The following SF3B6 variants were observed in gnomAD, a reference collection of about 807,000 sequenced individuals.
The protein encoded by SF3B6 is SF3b 14 kDa subunit.
SF3B6 carries 3 observed loss-of-function variants against 15.9 expected under a neutral mutation model. The ratio of observed to expected loss-of-function variants is 0.19; its 90% CI spans 0.09 to 0.49. The LOEUF is 0.49. Among genes scored for constraint, SF3B6 ranks in the 20% least tolerant of loss-of-function variants. SF3B6 has a pLI of 0.97. For synonymous variants in SF3B6, 49 were observed against 51.1 expected, an observed-to-expected ratio of 0.96 and a Z score of 0.18; for missense variants, 71 against 154.3, an observed-to-expected ratio of 0.46 and a Z score of 2.86.
chr2:24,076,116 G>T, intron 1 of SF3B6, 84 bp downstream of exon 1: 1 of 1,522,286 alleles, frequency 6.6e-7, no homozygotes, highest in African/African-American at 1.4e-5. Flanking sequence ...GGGGACGGAG[G>T]AGGAGCAAGA....
At chr2:24,073,021 G>C (rs1010168322) in intron 2 of SF3B6, among the ~76,000 whole-genome samples, 2 of 152,168 alleles carry the variant, frequency 1.3e-5, no homozygotes, top group African/African-American at 4.8e-5. Flanking sequence ...AAAGGACTGA[G>C]ACCTCCTAAA....
intron 2 of SF3B6, among the ~76,000 whole-genome samples, chr2:24,071,408 C>T (rs890988884): frequency 6.6e-6 from 1 of 151,938 alleles, no homozygotes; most frequent in Non-Finnish European, 1.5e-5. Context: ...AGTTCAAGAC[C>T]AGCCTGGCCA....
chr2:24,073,826 T>G, intron 2 of SF3B6: 1 of 321,678 alleles, frequency 3.1e-6, no homozygotes, highest in Non-Finnish European at 5.6e-6. Flanking sequence ...CATTCATTAC[T>G]ACTTCAATGA....
intron 2 of SF3B6, among the ~76,000 whole-genome samples, chr2:24,071,232 C>G (rs946828066): frequency 6.6e-6 from 1 of 152,140 alleles, no homozygotes; most frequent in Non-Finnish European, 1.5e-5. Flanking sequence ...ACCTTGTGAT[C>G]TGCCCACTTC....
intron 2 of SF3B6, among the ~76,000 whole-genome samples, chr2:24,069,696 C>A (rs1216805064): frequency 6.6e-6 from 1 of 152,142 alleles, no homozygotes; most frequent in East Asian, 1.9e-4. Context: ...GGGCCCTGTT[C>A]AAGCTTGTGC....
intron 3 of SF3B6, 114 bp from the exon 4 acceptor site, chr2:24,067,965 T>G: frequency 1.2e-6 from 1 of 850,796 alleles, no homozygotes; most frequent in Non-Finnish European, 1.9e-6. Flanking sequence ...CACAGTACAG[T>G]TCTACACTAA....
At chr2:24,073,516 T>C (rs1173191441) in intron 2 of SF3B6, 3 of 152,294 alleles carry the variant, frequency 2.0e-5, no homozygotes, top group Non-Finnish European at 4.4e-5. Context: ...CTTGAAGGTA[T>C]GAACCCCAAT....
At chr2:24,075,147 TCATC>T (rs1385255192) in intron 1 of SF3B6, among the ~76,000 whole-genome samples, 1 of 151,900 alleles carries the variant, frequency 6.6e-6, no homozygotes, top group East Asian at 1.9e-4. Context: ...AAGTCAACTA[TCATC>T]CAATTTCCCT....
intron 2 of SF3B6, among the ~76,000 whole-genome samples, chr2:24,070,214 T>C (rs1046583479): frequency 1.3e-5 from 2 of 152,240 alleles, no homozygotes; most frequent in Non-Finnish European, 2.9e-5. Flanking sequence ...TATCTGTACC[T>C]ACCACGTATT....
intron 2 of SF3B6, among the ~76,000 whole-genome samples, chr2:24,072,941 A>G (rs1424972163): frequency 1.3e-5 from 2 of 152,246 alleles, no homozygotes; most frequent in East Asian, 1.9e-4. Context: ...GAGTCCATGT[A>G]TCCCCTGAAA....
chr2:24,076,283 G>T lies in SF3B6; in HGVS notation c.-54C>A, dbSNP rs1420103816. Reference sequence around the variant, plus strand: ...AGATACTGAAATTCCTCCGGAGCTCGCTCGGCTTCGGGGGTTACACCGCGT... The same window carrying T: ...AGATACTGAAATTCCTCCGGAGCTCTCTCGGCTTCGGGGGTTACACCGCGT... On this transcript the variant is annotated 5_prime_UTR_variant, in exon 1 of 4. Transcript: ENST00000233468. 6.2e-7 allele frequency: 1 copy of T among 1,607,570 alleles called. No individual in the cohort carries two copies. Among genetic ancestry groups the T allele is most frequent in the African/African-American group, 1.3e-5 (1 of 74,812 alleles).
chr2:24,068,515 T>C (rs1664600322), intron 2 of SF3B6, 56 bp from the exon 3 acceptor site: 1 of 1,483,678 alleles, frequency 6.7e-7, no homozygotes, highest in African/African-American at 1.4e-5. Flanking sequence ...CATTGATAGT[T>C]GACTTACAGA....
At position 24,067,718 on chromosome 2, in the gene SF3B6, T is replaced by C; in HGVS notation, c.*44A>G. ...ATTAAAAAGGAAAAAAAGGTGGTAG[T>C]TGTCATTCGTGGGATTTAGTCCAAA... On this transcript the variant is annotated 3_prime_UTR_variant, in exon 4 of 4. Transcript: ENST00000233468. The C allele has an allele frequency of 6.7e-7, 1 of 1,492,706 alleles. No homozygotes were observed. The highest frequency in any genetic ancestry group is 9.3e-7 in the Non-Finnish European group (1 of 1,080,824). 92.5% of individuals were successfully genotyped at this position (1,492,706 alleles called of 1,614,324 possible).
At chr2:24,075,498 G>A (rs1664725921) in intron 1 of SF3B6, among the ~76,000 whole-genome samples, 2 of 151,020 alleles carry the variant, frequency 1.3e-5, no homozygotes, top group African/African-American at 4.9e-5. Flanking sequence ...AAAAGTGCGG[G>A]GATTACAGGC....
chr2:24,074,273 G>A, intron 1 of SF3B6, 79 bp from the exon 2 acceptor site: 1 of 684,886 alleles, frequency 1.5e-6, no homozygotes, highest in Non-Finnish European at 2.5e-6. Flanking sequence ...TATAATTAGG[G>A]GCATTTTAAA....
intron 2 of SF3B6, 144 bp from the exon 3 acceptor site, chr2:24,068,603 C>T (rs1168287646): frequency 6.9e-6 from 5 of 726,940 alleles, no homozygotes; most frequent in Non-Finnish European, 1.1e-5. Flanking sequence ...TTGAAATCAA[C>T]CTGAAACCAT....
chr2:24,067,923 CA>C lies in SF3B6; in HGVS notation c.289-73del, dbSNP rs2150976911. The C allele has an allele frequency of 8.6e-6, 11 of 1,286,362 alleles. No homozygotes were observed. The Middle Eastern group carries it at 9.3e-4, about 109-fold the overall frequency. 79.7% of individuals were successfully genotyped at this position (1,286,362 alleles called of 1,614,324 possible). On this transcript the variant is annotated intron_variant, in intron 3 of 3. Coordinates refer to ENST00000233468, the MANE Select transcript of SF3B6 (RefSeq NM_016047.4). ...AATGAATTTCATCAATAGCATTAGC[CA>C]AAAAAGAAAGTCATAGTAGACATAT...
chr2:24,076,115 GGAGGAGCAA>G, intron 1 of SF3B6, 76 bp downstream of exon 1: 1 of 1,524,308 alleles, frequency 6.6e-7, no homozygotes, highest in Admixed American at 1.7e-5. Flanking sequence ...TGGGGACGGA[GGAGGAGCAA>G]GAATGCTCCG....
intron 1 of SF3B6, 47 bp downstream of exon 1, chr2:24,076,153 G>A: frequency 6.2e-7 from 1 of 1,613,398 alleles, no homozygotes; most frequent in South Asian, 1.1e-5. Flanking sequence ...CGCTAAGAAA[G>A]TCAAACCCGA....
Sources: gnomAD v4.1 joint callset for allele counts (sites outside exome capture counted in the v4.1 genomes callset) on GRCh38, gnomAD v4.1.1 for gene constraint, MANE v1.5 for transcripts, NCBI Gene and HGNC (gene_info 2026-07-23, HGNC 2026-07-21) for gene names.